Variants in NR6A1 observed in about 807,000 individuals in gnomAD.
NR6A1 encodes the protein nuclear receptor subfamily 6 group A member 1, also known as retinoic acid receptor-related testis-associated receptor.
Under a neutral mutation model 59.1 loss-of-function variants are expected in NR6A1, and 7 were observed. The ratio of observed to expected loss-of-function variants is 0.12; its 90% CI spans 0.07 to 0.22. The LOEUF is 0.22. Ranked by LOEUF, NR6A1 falls within the 10% of genes least tolerant of loss-of-function variation. NR6A1 has a pLI of 1.00. For missense variants in NR6A1, 468 were observed against 611.6 expected (o/e 0.77, Z 2.48); for synonymous variants, 243 against 236.1 (o/e 1.03, Z -0.27).
intron 7 of NR6A1, among the ~76,000 whole-genome samples, chr9:124,532,803 G>A (rs1833138661): frequency 1.3e-5 from 2 of 152,224 alleles, no homozygotes; most frequent in Non-Finnish European, 2.9e-5. Flanking sequence ...TGGCTACTGA[G>A]CACTTGAAAT....
chr9:124,551,626 T>C (rs1833779670), intron 3 of NR6A1, among the ~76,000 whole-genome samples: 1 of 152,242 alleles, frequency 6.6e-6, no homozygotes, highest in African/African-American at 2.4e-5. Context: ...TAGCTCCTTT[T>C]TTCTCCAACC....
intron 2 of NR6A1, among the ~76,000 whole-genome samples, chr9:124,724,271 T>G (rs1210985956): frequency 6.6e-6 from 1 of 152,102 alleles, no homozygotes; most frequent in Non-Finnish European, 1.5e-5. Flanking sequence ...CGTGAAGCAA[T>G]GGTTATTTCT....
At chr9:124,600,337 T>G (rs765692658) in intron 2 of NR6A1, among the ~76,000 whole-genome samples, 2 of 152,192 alleles carry the variant, frequency 1.3e-5, no homozygotes, top group Non-Finnish European at 1.5e-5. Flanking sequence ...TATCTGGGAC[T>G]AAGAAGCAAA....
At chr9:124,612,645 A>C (rs1221920252) in intron 2 of NR6A1, among the ~76,000 whole-genome samples, 2 of 152,174 alleles carry the variant, frequency 1.3e-5, no homozygotes, top group Non-Finnish European at 2.9e-5. Context: ...GTTGCAAATC[A>C]CACCAATCTA....
chr9:124,741,557 C>T (rs1840173713), intron 1 of NR6A1, among the ~76,000 whole-genome samples: 2 of 152,160 alleles, frequency 1.3e-5, no homozygotes, highest in Non-Finnish European at 2.9e-5. Context: ...GCACTTAATG[C>T]CACTAAGTTG....
intron 2 of NR6A1, among the ~76,000 whole-genome samples, chr9:124,558,023 C>T (rs2131394987): frequency 6.6e-6 from 1 of 152,242 alleles, no homozygotes; most frequent in Admixed American, 6.5e-5. Context: ...TTGTTATCAC[C>T]CTTTTGTAAA....
chr9:124,530,013 C>T (rs1833053618), intron 7 of NR6A1, among the ~76,000 whole-genome samples: 1 of 152,160 alleles, frequency 6.6e-6, no homozygotes, highest in Non-Finnish European at 1.5e-5. Flanking sequence ...AAAGATAATG[C>T]TCTGTCCTTT....
chr9:124,711,636 C>T (rs1217482962), intron 2 of NR6A1, among the ~76,000 whole-genome samples: 2 of 152,110 alleles, frequency 1.3e-5, no homozygotes, highest in Admixed American at 6.6e-5. Context: ...AACTCAGATC[C>T]CCTTGCATTA....
chr9:124,618,256 C>T (rs374973145), intron 2 of NR6A1, among the ~76,000 whole-genome samples: 33 of 152,174 alleles, frequency 2.2e-4, no homozygotes, highest in African/African-American at 7.5e-4. Context: ...CTGAGGTAGG[C>T]GGATCACTTG....
At chr9:124,600,946 T>TG (rs1450392239) in intron 2 of NR6A1, among the ~76,000 whole-genome samples, 8 of 122,828 alleles carry the variant, frequency 6.5e-5, no homozygotes, top group African/African-American at 1.6e-4. Context: ...TGACTGGCTG[T>TG]GGGGGAAAAA....
intron 2 of NR6A1, among the ~76,000 whole-genome samples, chr9:124,714,650 T>G (rs1426612097): frequency 6.6e-6 from 1 of 152,206 alleles, no homozygotes; most frequent in Non-Finnish European, 1.5e-5. Context: ...AGAAATTTAT[T>G]TTTTAAAGTT....
chr9:124,677,006 C>G (rs958318862), intron 2 of NR6A1, among the ~76,000 whole-genome samples: 1 of 152,108 alleles, frequency 6.6e-6, no homozygotes, highest in African/African-American at 2.4e-5. Context: ...TCCCTTTCAA[C>G]AACTGATACC....
At chr9:124,735,333 TA>T (rs1839993544) in intron 1 of NR6A1, among the ~76,000 whole-genome samples, 1 of 152,018 alleles carries the variant, frequency 6.6e-6, no homozygotes, top group Non-Finnish European at 1.5e-5. Flanking sequence ...CACCAAACAA[TA>T]AAGGAATAGT....
intron 2 of NR6A1, among the ~76,000 whole-genome samples, chr9:124,694,186 T>A (rs1268209500): frequency 8.5e-5 from 13 of 152,182 alleles, no homozygotes; most frequent in Non-Finnish European, 1.9e-4. Context: ...ATAATTATAA[T>A]AAACTTATTA....
At chr9:124,581,575 A>G (rs1834768982) in intron 2 of NR6A1, among the ~76,000 whole-genome samples, 1 of 152,154 alleles carries the variant, frequency 6.6e-6, no homozygotes. Flanking sequence ...CTGGAGACAG[A>G]GCAAGACTCC....
At chr9:124,562,400 C>T (rs1036974046) in intron 2 of NR6A1, among the ~76,000 whole-genome samples, 2 of 152,034 alleles carry the variant, frequency 1.3e-5, no homozygotes, top group African/African-American at 4.8e-5. Context: ...GACTTTCAAA[C>T]CTTAGGTTCA....
intron 3 of NR6A1, among the ~76,000 whole-genome samples, chr9:124,553,794 C>T (rs1833852645): frequency 6.6e-6 from 1 of 151,934 alleles, no homozygotes; most frequent in South Asian, 2.1e-4. Flanking sequence ...TGCCCCAATT[C>T]ACCCTCCAAA....
At chr9:124,693,733 T>C (rs758726581) in intron 2 of NR6A1, 2 of 534,656 alleles carry the variant, frequency 3.7e-6, no homozygotes, top group Non-Finnish European at 7.7e-6. Flanking sequence ...TCAACATTCA[T>C]TGCTGTCGGT....
At chr9:124,601,879 G>A (rs2130824119) in intron 2 of NR6A1, among the ~76,000 whole-genome samples, 1 of 150,998 alleles carries the variant, frequency 6.6e-6, no homozygotes, top group East Asian at 2.0e-4. Flanking sequence ...GCTTGAGCCT[G>A]GGAGGTTGCA....
Sources: gnomAD v4.1 joint callset for allele counts (sites outside exome capture counted in the v4.1 genomes callset) on GRCh38, gnomAD v4.1.1 for gene constraint, MANE v1.5 for transcripts, NCBI Gene and HGNC (gene_info 2026-07-23, HGNC 2026-07-21) for gene names.